Variants in ADAM18 observed in about 807,000 individuals in gnomAD.
The protein encoded by ADAM18 is disintegrin and metalloproteinase domain-containing protein 18.
In ADAM18, 117 loss-of-function variants were observed where a neutral mutation model predicts 94.4. The observed-to-expected ratio is 1.24, with a 90% confidence interval of 1.07 to 1.45. The LOEUF is 1.45. Among genes scored for constraint, ADAM18 ranks in the 40% most tolerant of loss-of-function variants. ADAM18 has a pLI of 0.00. For synonymous variants in ADAM18, 327 were observed against 291.6 expected, an observed-to-expected ratio of 1.12 and a Z score of -1.24; for missense variants, 936 against 880.0, an observed-to-expected ratio of 1.06 and a Z score of -0.81.
At chr8:39,708,312 ACACAGT>A (rs1822295925) in intron 18 of ADAM18, among the ~76,000 whole-genome samples, 1 of 152,228 alleles carries the variant, frequency 6.6e-6, no homozygotes, top group African/African-American at 2.4e-5. Context: ...ATAAGTTAGA[ACACAGT>A]ACTAATAAGT....
intron 7 of ADAM18, among the ~76,000 whole-genome samples, chr8:39,636,101 C>CT (rs937661523): frequency 2.0e-5 from 3 of 150,966 alleles, no homozygotes; most frequent in Admixed American, 6.6e-5. Flanking sequence ...TCACCGCAAT[C>CT]TCGAACTTCT....
At chr8:39,680,706 A>G (rs1317897719) in intron 16 of ADAM18, among the ~76,000 whole-genome samples, 4 of 152,228 alleles carry the variant, frequency 2.6e-5, no homozygotes, top group Non-Finnish European at 5.9e-5. Flanking sequence ...ATATATATGA[A>G]CACTTCTATC....
intron 13 of ADAM18, among the ~76,000 whole-genome samples, chr8:39,667,657 A>G (rs1381324198): frequency 1.3e-5 from 2 of 152,182 alleles, no homozygotes; most frequent in African/African-American, 4.8e-5. Flanking sequence ...GAGTTTCTCC[A>G]AGAACAAAAA....
chr8:39,705,468 T>C (rs775016263), intron 17 of ADAM18, among the ~76,000 whole-genome samples: 11 of 152,140 alleles, frequency 7.2e-5, no homozygotes, highest in Non-Finnish European at 1.6e-4. Context: ...ATCACTCCTG[T>C]AATCCTAGCA....
intron 10 of ADAM18, among the ~76,000 whole-genome samples, chr8:39,641,271 C>T (rs994433881): frequency 6.6e-6 from 1 of 152,006 alleles, no homozygotes; most frequent in Non-Finnish European, 1.5e-5. Flanking sequence ...ATCCTTTCCC[C>T]ACTGCTTGTT....
chr8:39,669,115 AG>A (rs1821077544), intron 14 of ADAM18, among the ~76,000 whole-genome samples: 1 of 151,628 alleles, frequency 6.6e-6, no homozygotes, highest in African/African-American at 2.4e-5. Context: ...GTTATTTTTA[AG>A]CAGGGTTTAA....
chr8:39,641,264 C>G (rs997958498), intron 10 of ADAM18, among the ~76,000 whole-genome samples: 1 of 152,040 alleles, frequency 6.6e-6, no homozygotes, highest in African/African-American at 2.4e-5. Flanking sequence ...ATAGGCAATC[C>G]TTTCCCCACT....
intron 15 of ADAM18, 25 bp from the exon 16 acceptor site, chr8:39,680,012 G>T (rs1821403265): frequency 6.2e-7 from 1 of 1,611,310 alleles, no homozygotes; most frequent in South Asian, 1.1e-5. Flanking sequence ...AAACTGATAA[G>T]GAACTTTTTG....
chr8:39,622,018 C>A lies in ADAM18; in HGVS notation c.523-7356C>A, dbSNP rs546743486. The stretch of plus-strand genomic sequence containing the variant: ...TGATGGGATGATCTGAGCAGCAAAC[C>A]ACCATGGCACATGTTTACCTATGTA... On this transcript the variant is annotated intron_variant, in intron 6 of 19. Coordinates refer to ENST00000265707, the MANE Select transcript of ADAM18 (RefSeq NM_014237.3). Among the ~76,000 whole-genome samples the A allele has an allele frequency of 2.6e-5, 4 of 152,196 alleles. 1 individual carries two copies. The highest frequency in any genetic ancestry group is 9.6e-5 in the African/African-American group (4 of 41,520).
At chr8:39,683,428 A>G (rs2129580636) in intron 16 of ADAM18, among the ~76,000 whole-genome samples, 1 of 152,314 alleles carries the variant, frequency 6.6e-6, no homozygotes, top group South Asian at 2.1e-4. Context: ...TTTTCCTAAG[A>G]TAAACTTCTA....
At chr8:39,712,462 G>T (rs546386245) in intron 18 of ADAM18, among the ~76,000 whole-genome samples, 4 of 152,268 alleles carry the variant, frequency 2.6e-5, no homozygotes, top group South Asian at 2.1e-4. Flanking sequence ...GCAAGATAAA[G>T]AAATAAAGGG....
At chr8:39,676,569 A>G (rs1264944481) in intron 14 of ADAM18, among the ~76,000 whole-genome samples, 3 of 148,338 alleles carry the variant, frequency 2.0e-5, no homozygotes, top group Non-Finnish European at 3.0e-5. Context: ...CTTGGCTAGG[A>G]AAGGGAAATC....
At chr8:39,697,938 C>T (rs995729301) in intron 17 of ADAM18, among the ~76,000 whole-genome samples, 3 of 151,912 alleles carry the variant, frequency 2.0e-5, no homozygotes, top group Admixed American at 6.6e-5. Context: ...TCATCATACT[C>T]GTAACTTACA....
intron 13 of ADAM18, among the ~76,000 whole-genome samples, chr8:39,665,768 C>T (rs1167774370): frequency 6.6e-6 from 1 of 152,078 alleles, no homozygotes; most frequent in African/African-American, 2.4e-5. Flanking sequence ...TTTCATATTT[C>T]ATTTCATGTG....
chr8:39,703,612 G>A (rs1822149974), intron 17 of ADAM18, among the ~76,000 whole-genome samples: 1 of 152,034 alleles, frequency 6.6e-6, no homozygotes, highest in South Asian at 2.1e-4. Context: ...GATGTTAGCG[G>A]TGGTTTTGTC....
At chr8:39,719,061 G>C (rs909606746) in intron 18 of ADAM18, among the ~76,000 whole-genome samples, 1 of 151,194 alleles carries the variant, frequency 6.6e-6, no homozygotes, top group African/African-American at 2.4e-5. Context: ...AAAAATGTTG[G>C]AGGAAATACA....
At chr8:39,628,046 C>T (rs1386199704) in intron 6 of ADAM18, among the ~76,000 whole-genome samples, 1 of 152,014 alleles carries the variant, frequency 6.6e-6, no homozygotes, top group East Asian at 1.9e-4. Flanking sequence ...AATGTCAACA[C>T]TTCTTGTTTG....
At chr8:39,681,306 A>T (rs1326645396) in intron 16 of ADAM18, among the ~76,000 whole-genome samples, 1 of 152,156 alleles carries the variant, frequency 6.6e-6, no homozygotes, top group Admixed American at 6.5e-5. Context: ...CCTGTGAGGG[A>T]CTGAATTCTG....
At chr8:39,722,374 G>A (rs2129581820) in intron 18 of ADAM18, among the ~76,000 whole-genome samples, 1 of 150,588 alleles carries the variant, frequency 6.6e-6, no homozygotes, top group South Asian at 2.1e-4. Context: ...GTCTTTTGCA[G>A]CAACATGGAT....
Sources: allele counts gnomAD v4.1 joint callset (sites outside exome capture counted in the v4.1 genomes callset), GRCh38; gene constraint gnomAD v4.1.1; transcripts MANE v1.5; gene names NCBI Gene and HGNC (gene_info 2026-07-23, HGNC 2026-07-21).